PHKA2: variants seen among roughly 807,000 people sequenced by gnomAD.
The protein encoded by PHKA2 is phosphorylase kinase regulatory subunit alpha 2.
Under a neutral mutation model 102.0 loss-of-function variants are expected in PHKA2, and 31 were observed. The ratio of observed to expected loss-of-function variants is 0.30; its 90% confidence interval spans 0.23 to 0.41. The LOEUF is 0.41. Ranked by LOEUF, PHKA2 falls within the 10% of genes least tolerant of loss-of-function variation. The pLI is 1.00. For synonymous variants in PHKA2, 455 were observed against 416.2 expected (o/e 1.09, Z -1.13); for missense variants, 858 against 1,023.1 (o/e 0.84, Z 2.20).
intron 9 of PHKA2, among the ~76,000 whole-genome samples, chrX:18,939,067 C>T (rs1184010623): frequency 8.9e-6 from 1 of 112,353 alleles, no homozygotes; most frequent in African/African-American, 3.2e-5. Context: ...GTCAGTGTGG[C>T]AAAGAAACCC....
intron 9 of PHKA2, 89 bp downstream of exon 9, chrX:18,939,906 A>G: frequency 2.9e-6 from 2 of 688,670 alleles, no homozygotes; most frequent in South Asian, 4.5e-5. Context: ...TTCCAACATA[A>G]AATTATAATC....
intron 10 of PHKA2, among the ~76,000 whole-genome samples, chrX:18,936,654 T>C (rs2048398310): frequency 8.9e-6 from 1 of 112,392 alleles, no homozygotes; most frequent in Admixed American, 9.4e-5. Flanking sequence ...GAGGCATTCA[T>C]TACTATTCAG....
At chrX:18,925,081 G>A (rs1482383645) in intron 15 of PHKA2, among the ~76,000 whole-genome samples, 2 of 112,431 alleles carry the variant, frequency 1.8e-5, no homozygotes, top group African/African-American at 6.5e-5. Flanking sequence ...AGCAGCAGGG[G>A]CTAGGATGAA....
At chrX:18,941,289 A>T (rs193049862) in intron 8 of PHKA2, among the ~76,000 whole-genome samples, 1 of 111,569 alleles carries the variant, frequency 9.0e-6, no homozygotes, top group East Asian at 2.8e-4. Context: ...GAAGTATGGT[A>T]CTGGTACAAA....
intron 26 of PHKA2, among the ~76,000 whole-genome samples, chrX:18,905,319 G>A (rs191637210): frequency 2.0e-3 from 224 of 111,951 alleles, no homozygotes; most frequent in African/African-American, 5.9e-3. Context: ...GATTACAGGC[G>A]CGCGCCACCA....
chrX:18,900,738 T>C, intron 27 of PHKA2, 39 bp from the exon 28 acceptor site: 1 of 1,169,466 alleles, frequency 8.6e-7, no homozygotes, highest in Non-Finnish European at 1.2e-6. Context: ...AAACCAGCTT[T>C]GAGCCAAGAA....
intron 1 of PHKA2, among the ~76,000 whole-genome samples, chrX:18,964,212 C>T (rs1011030005): frequency 2.7e-5 from 3 of 110,976 alleles, no homozygotes; most frequent in African/African-American, 9.8e-5. Flanking sequence ...CTGGCACTTC[C>T]GGGCCTGTGC....
At chrX:18,895,393 G>C (rs1446706339) in intron 30 of PHKA2, 15 of 465,297 alleles carry the variant, frequency 3.2e-5, no homozygotes, top group Non-Finnish European at 5.4e-5. Flanking sequence ...ACAATTCTAG[G>C]GAACCCAGCA....
intron 5 of PHKA2, among the ~76,000 whole-genome samples, chrX:18,945,508 T>C (rs1183402935): frequency 8.9e-6 from 1 of 112,602 alleles, no homozygotes; most frequent in Non-Finnish European, 1.9e-5. Context: ...GTCAATGCCT[T>C]TGAACTTATA....
intron 17 of PHKA2, among the ~76,000 whole-genome samples, chrX:18,920,473 T>G (rs2048097481): frequency 8.9e-6 from 1 of 112,626 alleles, no homozygotes; most frequent in South Asian, 3.6e-4. Flanking sequence ...TCTATTTTAC[T>G]GAACCAACCA....
intron 26 of PHKA2, among the ~76,000 whole-genome samples, chrX:18,905,266 C>T (rs963304964): frequency 1.8e-5 from 2 of 112,444 alleles, no homozygotes; most frequent in Non-Finnish European, 3.8e-5. Context: ...CTCCACCTCC[C>T]GGGTTGAAGC....
At chrX:18,896,909 T>C (rs1390158037) in intron 30 of PHKA2, among the ~76,000 whole-genome samples, 1 of 111,825 alleles carries the variant, frequency 8.9e-6, no homozygotes, top group East Asian at 2.8e-4. Flanking sequence ...GAGACACTTT[T>C]AGTTGTCACA....
chrX:18,896,012 C>A (rs184676660), intron 30 of PHKA2: 1 of 111,823 alleles, frequency 8.9e-6, no homozygotes, highest in Non-Finnish European at 1.9e-5. Context: ...CTGCGGTGGC[C>A]GTGAGGAATA....
intron 1 of PHKA2, among the ~76,000 whole-genome samples, chrX:18,960,807 T>C (rs1282558219): frequency 8.9e-6 from 1 of 112,054 alleles, no homozygotes; most frequent in Admixed American, 9.5e-5. Flanking sequence ...CAGTTCATCA[T>C]GAAGATAAAA....
intron 30 of PHKA2, 69 bp downstream of exon 30, chrX:18,897,094 G>A (rs1392125591): frequency 8.9e-7 from 1 of 1,124,294 alleles, no homozygotes; most frequent in Non-Finnish European, 1.2e-6. Context: ...TCGCCTGGAG[G>A]TGCCACCATG....
chrX:18,903,853 C>T (rs1184789642), intron 26 of PHKA2, among the ~76,000 whole-genome samples: 6 of 112,128 alleles, frequency 5.4e-5, no homozygotes, highest in Non-Finnish European at 9.4e-5. Flanking sequence ...ACTGCCCACT[C>T]CAAAGCCTCC....
At chrX:18,900,543 C>A (rs1017971402) in intron 28 of PHKA2, 127 bp downstream of exon 28, 2 of 607,598 alleles carry the variant, frequency 3.3e-6, no homozygotes, top group African/African-American at 4.4e-5. Context: ...TCTGCCTGTG[C>A]CCCAGCCCGT....
chrX:18,951,886 C>A (rs1410544438), intron 3 of PHKA2, among the ~76,000 whole-genome samples: 1 of 109,521 alleles, frequency 9.1e-6, no homozygotes, highest in Admixed American at 9.8e-5. Context: ...ATGGAATAAA[C>A]AATAATATAT....
At position 18,941,576 on chromosome X, in the gene PHKA2, C is replaced by T; in HGVS notation, c.817G>A (p.Val273Ile). 3 of 1,201,673 alleles carry T rather than the reference C, an allele frequency of 2.5e-6. No homozygotes were observed. Among genetic ancestry groups the T allele is most frequent in the Non-Finnish European group, 3.4e-6 (3 of 885,940 alleles). Reference protein sequence around the residue: ...ISFPAFAVEDVNLVNVTKNEI... With the variant: ...ISFPAFAVEDINLVNVTKNEI... The stretch of plus-strand genomic sequence containing the variant: ...TTTTTGGTCACATTTACAAGGTTTA[C>T]ATCTTCCACTGCAAAGGCCGGGAAG... Residue 273 changes from valine (V) to isoleucine (I), a missense_variant, in exon 8 of 33, where the codon GTA becomes ATA. Coordinates refer to ENST00000379942, the MANE Select transcript of PHKA2 (RefSeq NM_000292.3).
Sources: allele counts gnomAD v4.1 joint callset (sites outside exome capture counted in the v4.1 genomes callset), GRCh38; gene constraint gnomAD v4.1.1; transcripts MANE v1.5; gene names NCBI Gene and HGNC (gene_info 2026-07-23, HGNC 2026-07-21).